NCKAP5: variants seen among roughly 807,000 people sequenced by gnomAD.
The protein encoded by NCKAP5 is NCK associated protein 5.
Under a neutral mutation model 167.0 loss-of-function variants are expected in NCKAP5, and 92 were observed. That is an observed-to-expected ratio of 0.55 (90% CI 0.47 to 0.66). The LOEUF (loss-of-function observed/expected upper bound fraction) is 0.66, where lower values mean the gene tolerates loss of function less well. Ranked by LOEUF, NCKAP5 falls within the 30% of genes least tolerant of loss-of-function variation. NCKAP5 has a pLI of 0.00. For synonymous variants in NCKAP5, 891 were observed against 877.4 expected, an observed-to-expected ratio of 1.02 and a Z score of -0.27; for missense variants, 2,378 against 2,315.0, an observed-to-expected ratio of 1.03 and a Z score of -0.56.
At chr2:133,478,909 C>T (rs902358694) in intron 3 of NCKAP5, among the ~76,000 whole-genome samples, 9 of 151,916 alleles carry the variant, frequency 5.9e-5, no homozygotes, top group Non-Finnish European at 1.5e-5. Context: ...GGCACTAGAT[C>T]CGCCCAATTG....
intron 19 of NCKAP5, 64 bp from the exon 20 acceptor site, chr2:132,673,369 A>G: frequency 1.6e-6 from 2 of 1,271,126 alleles, no homozygotes; most frequent in Non-Finnish European, 2.1e-6. Context: ...ATCCTATCTA[A>G]TATTCAATTA....
At position 133,425,631 on chromosome 2, in the gene NCKAP5, G is replaced by T. The variant is rs999695191; in HGVS notation, c.69+91827C>A. On this transcript the variant is annotated intron_variant, in intron 3 of 19. Coordinates refer to ENST00000409261, the MANE Select transcript of NCKAP5 (RefSeq NM_207363.3). ...GAATGACAATAACATATAGAGAACT[G>T]CAATAGTATGAAGGTTAAAAAGTTT... Among the ~76,000 whole-genome samples, 3 of 152,158 alleles carry T rather than the reference G, an allele frequency of 2.0e-5. No homozygotes were observed. In the East Asian group the frequency reaches 5.8e-4, roughly 29 times the overall value.
intron 5 of NCKAP5, among the ~76,000 whole-genome samples, chr2:133,186,827 T>C (rs947656340): frequency 1.3e-5 from 2 of 152,114 alleles, no homozygotes; most frequent in African/African-American, 4.8e-5. Context: ...TTACACTTAT[T>C]TGGACAATAT....
At chr2:132,746,574 G>C (rs932234930) in intron 16 of NCKAP5, among the ~76,000 whole-genome samples, 2 of 152,016 alleles carry the variant, frequency 1.3e-5, no homozygotes, top group South Asian at 4.2e-4. Flanking sequence ...TCAAAGACAC[G>C]GTTAAGAAAA....
intron 5 of NCKAP5, among the ~76,000 whole-genome samples, chr2:133,175,131 A>G (rs2084403541): frequency 1.3e-5 from 2 of 152,008 alleles, no homozygotes; most frequent in African/African-American, 4.8e-5. Context: ...CTTTTTTTTC[A>G]TATGCCCAGG....
intron 8 of NCKAP5, among the ~76,000 whole-genome samples, chr2:132,943,647 C>T (rs1254737786): frequency 6.6e-6 from 1 of 152,170 alleles, no homozygotes; most frequent in Non-Finnish European, 1.5e-5. Flanking sequence ...GAGAGAGTCA[C>T]CTTTTCAACA....
rs532314079 is a variant in NCKAP5, at chr2:133,312,375, T to C, written c.70-9265A>G. ...TTAACTGTTCCCTATTAGATATTTT[T>C]CCCCTTTTAAAAAAAATCCCCCATC... On this transcript the variant is annotated intron_variant, in intron 3 of 19. Transcript: ENST00000409261. Among the ~76,000 whole-genome samples, 25 of 152,226 alleles carry C rather than the reference T, an allele frequency of 1.6e-4. 1 individual carries two copies. Among genetic ancestry groups the C allele is most frequent in the Admixed American group, 6.5e-5 (1 of 15,290 alleles).
chr2:132,805,660 CA>C (rs61461970), intron 11 of NCKAP5, among the ~76,000 whole-genome samples: 2,258 of 142,124 alleles, frequency 0.016, 61 homozygotes, highest in East Asian at 0.1. Context: ...TAAAACTATG[CA>C]AAAAAAAAAA....
In NCKAP5 at chr2:132,822,993, C is replaced by T. The variant is rs987551780; in HGVS notation, c.808-26264G>A. 5.9e-5 allele frequency among the ~76,000 whole-genome samples: 9 copies of T among 152,108 alleles called. No individual in the cohort carries two copies. In the East Asian group the frequency reaches 1.7e-3, roughly 29 times the overall value. On this transcript the variant is annotated intron_variant, in intron 11 of 19. Coordinates refer to ENST00000409261, the MANE Select transcript of NCKAP5 (RefSeq NM_207363.3). ...GTCAAGGCTTTTGAATTAACCCAAT[C>T]AGACAAAGACAATGAAAAAATAATT...
intron 17 of NCKAP5, among the ~76,000 whole-genome samples, chr2:132,730,442 C>T (rs1690884726): frequency 6.6e-6 from 1 of 152,168 alleles, no homozygotes; most frequent in South Asian, 2.1e-4. Flanking sequence ...TTGCAGAGAG[C>T]CAGGATTGCA....
In NCKAP5 at chr2:132,783,114, A is replaced by G; in HGVS notation, c.3697T>C (p.Leu1233=). ...TCACTCCCAGGGATGCTACTTTCCA[A>G]TGGCTCTTGTAGTGCTGTTTCCAGG... ...LPLETALQEP[L]ESSIPGSDGR... is the part of the protein sequence containing the mutation. The change falls in exon 14 of 20, where the codon TTG becomes CTG. Residue 1233 remains leucine (L), a synonymous_variant. Transcript: ENST00000409261. 6.2e-7 allele frequency: 1 copy of G among 1,613,690 alleles called. No homozygotes were observed. The highest frequency in any genetic ancestry group is 8.5e-7 in the Non-Finnish European group (1 of 1,179,800).
chr2:133,362,485 T>G (rs1685178585), intron 3 of NCKAP5, among the ~76,000 whole-genome samples: 1 of 152,212 alleles, frequency 6.6e-6, no homozygotes, highest in South Asian at 2.1e-4. Context: ...CAGGAGTTTT[T>G]AATTTTTAAA....
intron 3 of NCKAP5, among the ~76,000 whole-genome samples, chr2:133,361,312 G>A (rs1685090618): frequency 6.6e-6 from 1 of 152,170 alleles, no homozygotes; most frequent in South Asian, 2.1e-4. Context: ...AATTTGGAGA[G>A]GAAGAAGATG....
At chr2:133,666,320 C>T in the NCKAP5 span, among the ~76,000 whole-genome samples, 1 of 151,508 alleles carries the variant, frequency 6.6e-6, no homozygotes, top group South Asian at 2.1e-4. Flanking sequence ...GCCTCAGCCT[C>T]TCGAGTATCT....
intron 3 of NCKAP5, among the ~76,000 whole-genome samples, chr2:133,305,976 C>T (rs887617917): frequency 1.3e-5 from 2 of 152,188 alleles, no homozygotes; most frequent in African/African-American, 4.8e-5. Flanking sequence ...TGTTTTTGCT[C>T]AACCTGAAAT....
chr2:133,029,497 G>T (rs890988106), intron 6 of NCKAP5, among the ~76,000 whole-genome samples: 1 of 152,128 alleles, frequency 6.6e-6, no homozygotes, highest in Admixed American at 6.6e-5. Context: ...AGAAAAAGGG[G>T]TTGCTAGATA....
chr2:133,393,393 C>T (rs1386414973), intron 3 of NCKAP5, among the ~76,000 whole-genome samples: 4 of 152,244 alleles, frequency 2.6e-5, no homozygotes. Context: ...CACATTGATC[C>T]ACACCTGCCT....
chr2:133,133,133 C>A (rs1284299367), intron 5 of NCKAP5, among the ~76,000 whole-genome samples: 7 of 152,150 alleles, frequency 4.6e-5, no homozygotes, highest in African/African-American at 1.4e-4. Flanking sequence ...TCTTTCCCAG[C>A]AGAAAGTGTG....
At chr2:133,465,619 C>G (rs998767137) in intron 3 of NCKAP5, among the ~76,000 whole-genome samples, 2 of 152,086 alleles carry the variant, frequency 1.3e-5, no homozygotes, top group African/African-American at 4.8e-5. Context: ...GTTTACAGTC[C>G]CACCAACAGT....
Sources: gnomAD v4.1 joint callset for allele counts (sites outside exome capture counted in the v4.1 genomes callset) on GRCh38, gnomAD v4.1.1 for gene constraint, MANE v1.5 for transcripts, NCBI Gene and HGNC (gene_info 2026-07-23, HGNC 2026-07-21) for gene names.